SLIT3: variants seen among roughly 807,000 people sequenced by gnomAD.
SLIT3 encodes slit homolog 3 protein.
In SLIT3, 68 loss-of-function variants were observed where a neutral mutation model predicts 184.0. The ratio of observed to expected loss-of-function variants is 0.37; its 90% CI spans 0.30 to 0.45. The LOEUF is 0.45. Ranked by LOEUF, SLIT3 falls within the 20% of genes least tolerant of loss-of-function variation. The pLI, the probability that SLIT3 is intolerant of heterozygous loss-of-function variation, is 1.00. For missense variants in SLIT3, 1,707 were observed against 2,026.0 expected, an observed-to-expected ratio of 0.84 and a Z score of 3.02; for synonymous variants, 831 against 828.6, an observed-to-expected ratio of 1.00 and a Z score of -0.05.
intron 12 of SLIT3, among the ~76,000 whole-genome samples, chr5:168,775,302 G>T (rs1427227038): frequency 1.3e-5 from 2 of 152,148 alleles, no homozygotes; most frequent in Non-Finnish European, 2.9e-5. Context: ...CCTCCAAAGT[G>T]CTGGGATTAC....
At chr5:168,786,837 C>T (rs541583471) in intron 11 of SLIT3, among the ~76,000 whole-genome samples, 45 of 152,246 alleles carry the variant, frequency 3.0e-4, no homozygotes, top group African/African-American at 5.5e-4. Flanking sequence ...AACCACAGCA[C>T]GGGCTTTGCT....
chr5:168,727,821 C>T (rs970007949), intron 20 of SLIT3, among the ~76,000 whole-genome samples: 14 of 152,188 alleles, frequency 9.2e-5, no homozygotes, highest in African/African-American at 3.4e-4. Flanking sequence ...CAGGGAGGCT[C>T]TGCTCTGTGC....
chr5:169,144,141 T>A (rs180802280), intron 4 of SLIT3, among the ~76,000 whole-genome samples: 37 of 152,310 alleles, frequency 2.4e-4, no homozygotes, highest in Admixed American at 1.0e-3. Context: ...CTCTGCTTCT[T>A]CCCATTGTCT....
At chr5:168,807,855 G>T (rs182365678) in intron 8 of SLIT3, among the ~76,000 whole-genome samples, 1 of 152,180 alleles carries the variant, frequency 6.6e-6, no homozygotes, top group African/African-American at 2.4e-5. Flanking sequence ...CTGGTGTCCC[G>T]TTTGGACGCG....
intron 4 of SLIT3, among the ~76,000 whole-genome samples, chr5:169,193,086 C>A (rs1763610102): frequency 6.6e-6 from 1 of 152,186 alleles, no homozygotes; most frequent in Non-Finnish European, 1.5e-5. Flanking sequence ...ATGAGGTTGC[C>A]ATGTTCGGTC....
chr5:169,115,536 G>C (rs1234000529), intron 4 of SLIT3, among the ~76,000 whole-genome samples: 1 of 152,112 alleles, frequency 6.6e-6, no homozygotes, highest in Non-Finnish European at 1.5e-5. Flanking sequence ...CACATGTATG[G>C]AAGCCAGGCC....
chr5:168,752,942 C>A lies in SLIT3; in HGVS notation c.1973+13G>T. The A allele has an allele frequency of 6.2e-7, 1 of 1,613,796 alleles. No homozygotes were observed. Among genetic ancestry groups the A allele is most frequent in the Non-Finnish European group, 8.5e-7 (1 of 1,179,820 alleles). ...TCCCAGAGTCCGTGGGCAGTGGACC[C>A]AGGAGAACTTACATGGTGGACAGGG... On this transcript the variant is annotated intron_variant, in intron 18 of 35. Coordinates refer to ENST00000519560, the MANE Select transcript of SLIT3 (RefSeq NM_003062.4).
At chr5:168,749,423 T>A in intron 19 of SLIT3, 49 bp downstream of exon 19, 1 of 1,607,300 alleles carries the variant, frequency 6.2e-7, no homozygotes, top group Non-Finnish European at 8.5e-7. Flanking sequence ...GCCATCTTCC[T>A]TGCCTTCCCA....
At chr5:169,265,611 T>A (rs1210310831) in intron 1 of SLIT3, among the ~76,000 whole-genome samples, 1 of 152,194 alleles carries the variant, frequency 6.6e-6, no homozygotes, top group East Asian at 1.9e-4. Context: ...AAATAGAGCA[T>A]GATTTTAGGC....
intron 1 of SLIT3, among the ~76,000 whole-genome samples, chr5:169,294,055 G>A (rs903624115): frequency 6.6e-6 from 1 of 152,158 alleles, no homozygotes; most frequent in African/African-American, 2.4e-5. Flanking sequence ...GATCAGCAGT[G>A]GTCCAGATGA....
intron 20 of SLIT3, among the ~76,000 whole-genome samples, chr5:168,729,269 C>T (rs1763225016): frequency 6.6e-6 from 1 of 152,074 alleles, no homozygotes; most frequent in East Asian, 1.9e-4. Flanking sequence ...GAGAGTTAGA[C>T]ATCCATTTAC....
chr5:168,924,955 T>C (rs1761767184), intron 4 of SLIT3, among the ~76,000 whole-genome samples: 1 of 152,188 alleles, frequency 6.6e-6, no homozygotes, highest in Non-Finnish European at 1.5e-5. Context: ...AGCAGTTGCC[T>C]CCTCCACTAA....
At chr5:169,097,894 T>C (rs1282499302) in intron 4 of SLIT3, among the ~76,000 whole-genome samples, 1 of 152,222 alleles carries the variant, frequency 6.6e-6, no homozygotes, top group Admixed American at 6.5e-5. Context: ...ACTGAAAAGC[T>C]GAGACCTGCC....
Position 168,752,970 on chromosome 5 carries a change from A to G in SLIT3, c.1958T>C (p.Val653Ala). Residue 653 changes from valine to alanine, a missense_variant, in exon 18 of 36, where the codon GTC becomes GCC. Transcript: ENST00000519560. Reference sequence around the variant, plus strand: ...GAGAACTTACATGGTGGACAGGGAGACAAGCGTGGTGAAGGCCCCAGGGGT... The same window carrying G: ...GAGAACTTACATGGTGGACAGGGAGGCAAGCGTGGTGAAGGCCCCAGGGGT... ...TITPGAFTTL[V>A]SLSTINLLSN... 1.2e-6 allele frequency: 2 copies of G among 1,614,064 alleles called. No homozygotes were observed. The highest frequency in any genetic ancestry group is 1.7e-6 in the Non-Finnish European group (2 of 1,180,014).
intron 9 of SLIT3, among the ~76,000 whole-genome samples, chr5:168,797,820 T>C (rs1047689237): frequency 1.3e-5 from 2 of 152,204 alleles, no homozygotes; most frequent in African/African-American, 4.8e-5. Flanking sequence ...ATCAAATAGC[T>C]TGTCCAAAGT....
chr5:169,122,636 A>G (rs140808274), intron 4 of SLIT3, among the ~76,000 whole-genome samples: 121 of 152,302 alleles, frequency 7.9e-4, no homozygotes, highest in African/African-American at 2.9e-3. Context: ...GCATAGCCAC[A>G]TGGTCACAGT....
intron 6 of SLIT3, among the ~76,000 whole-genome samples, chr5:168,836,487 C>T (rs1435589770): frequency 2.0e-5 from 3 of 152,280 alleles, no homozygotes; most frequent in Non-Finnish European, 2.9e-5. Flanking sequence ...GGCTGCTCTA[C>T]GGTATTTCCC....
intron 9 of SLIT3, among the ~76,000 whole-genome samples, chr5:168,796,934 A>C (rs1443327656): frequency 1.3e-5 from 2 of 152,132 alleles, no homozygotes; most frequent in Non-Finnish European, 2.9e-5. Flanking sequence ...GCAGGGAGAA[A>C]GGGGAAAGGC....
intron 4 of SLIT3, among the ~76,000 whole-genome samples, chr5:169,126,582 C>T (rs1761087357): frequency 6.6e-6 from 1 of 152,212 alleles, no homozygotes; most frequent in Non-Finnish European, 1.5e-5. Flanking sequence ...ATGGTTGACA[C>T]AGAGCACTGC....
Sources: allele counts gnomAD v4.1 joint callset (sites outside exome capture counted in the v4.1 genomes callset), GRCh38; gene constraint gnomAD v4.1.1; transcripts MANE v1.5; gene names NCBI Gene and HGNC (gene_info 2026-07-23, HGNC 2026-07-21).